LIN54: variants seen among roughly 807,000 people sequenced by gnomAD.
The protein encoded by LIN54 is lin-54 DREAM MuvB core complex component.
In LIN54, 9 loss-of-function variants were observed where a neutral mutation model predicts 78.7. The observed-to-expected ratio is 0.11, with a 90% confidence interval of 0.07 to 0.20. The LOEUF is 0.20. Ranked by LOEUF, LIN54 falls within the 10% of genes least tolerant of loss-of-function variation. LIN54 has a pLI of 1.00. For missense variants in LIN54, 573 were observed against 889.9 expected, an observed-to-expected ratio of 0.64 and a Z score of 4.53; for synonymous variants, 269 against 318.4, an observed-to-expected ratio of 0.84 and a Z score of 1.65.
chr4:82,936,840 C>G (rs977376268), intron 9 of LIN54, among the ~76,000 whole-genome samples: 7 of 152,138 alleles, frequency 4.6e-5, no homozygotes, highest in Non-Finnish European at 8.8e-5. Context: ...TATTTCATGT[C>G]AAGTCTTTTT....
chr4:83,008,325 C>T (rs979319832), intron 1 of LIN54, among the ~76,000 whole-genome samples: 1 of 152,100 alleles, frequency 6.6e-6, no homozygotes, highest in Non-Finnish European at 1.5e-5. Context: ...TATATGACAC[C>T]TAATAGACAC....
chr4:82,991,784 A>C (rs1431099479), intron 1 of LIN54, among the ~76,000 whole-genome samples: 1 of 152,150 alleles, frequency 6.6e-6, no homozygotes, highest in African/African-American at 2.4e-5. Context: ...TGTGAATTAT[A>C]TTAATTTTTG....
chr4:82,937,561 T>C (rs182659195), intron 8 of LIN54, among the ~76,000 whole-genome samples: 67 of 152,280 alleles, frequency 4.4e-4, no homozygotes, highest in African/African-American at 1.5e-3. Context: ...GAGACAAGTA[T>C]GGAATAATTT....
intron 4 of LIN54, among the ~76,000 whole-genome samples, chr4:82,961,978 C>T (rs6811109): frequency 0.54 from 81,224 of 150,138 alleles, 23,754 homozygotes; most frequent in East Asian, 0.78. Flanking sequence ...AAAGAAAAAA[C>T]ACATTTATTC....
chr4:82,985,848 G>A (rs1339175517), intron 1 of LIN54, among the ~76,000 whole-genome samples: 1 of 151,550 alleles, frequency 6.6e-6, no homozygotes, highest in East Asian at 2.0e-4. Flanking sequence ...GCCATCCTCC[G>A]CCATTTAAAG....
At chr4:82,993,509 C>T (rs746396450) in intron 1 of LIN54, among the ~76,000 whole-genome samples, 2 of 151,908 alleles carry the variant, frequency 1.3e-5, no homozygotes, top group Non-Finnish European at 2.9e-5. Context: ...TGAGCCACCG[C>T]GCCCGGCTAG....
At chr4:82,936,406 G>A (rs1427382913) in intron 9 of LIN54, 25 bp from the exon 10 acceptor site, 8 of 1,292,442 alleles carry the variant, frequency 6.2e-6, no homozygotes, top group Non-Finnish European at 8.7e-6. Flanking sequence ...TCAGTATAAG[G>A]TAAAAAGTCA....
chr4:82,938,403 A>G lies in LIN54; in HGVS notation c.1532+10T>C. On this transcript the variant is annotated intron_variant, in intron 8 of 12. Transcript: ENST00000340417. ...CTAACAACTTATGTACCTATTTTCA[A>G]AATACTCACCCATTGAATGGAAGCC... The G allele has an allele frequency of 6.6e-7, 1 of 1,515,030 alleles. No homozygotes were observed. The highest frequency in any genetic ancestry group is 9.2e-7 in the Non-Finnish European group (1 of 1,090,796). 93.8% of individuals were successfully genotyped at this position (1,515,030 alleles called of 1,614,324 possible).
chr4:82,951,295 T>C (rs1425146905), intron 4 of LIN54, among the ~76,000 whole-genome samples: 2 of 152,140 alleles, frequency 1.3e-5, no homozygotes, highest in Non-Finnish European at 2.9e-5. Context: ...ACAAAAGAGG[T>C]ATAAGCCATT....
intron 4 of LIN54, among the ~76,000 whole-genome samples, chr4:82,947,176 T>C (rs1723418092): frequency 6.9e-6 from 1 of 145,936 alleles, no homozygotes; most frequent in African/African-American, 2.5e-5. Flanking sequence ...CTAGGGAAAC[T>C]AGTTTTGTAT....
chr4:82,938,883 A>C (rs1722613774), intron 7 of LIN54, among the ~76,000 whole-genome samples: 1 of 152,254 alleles, frequency 6.6e-6, no homozygotes, highest in African/African-American at 2.4e-5. Context: ...ATCACACTAC[A>C]AATTACAGAG....
intron 4 of LIN54, among the ~76,000 whole-genome samples, chr4:82,958,526 A>G (rs1191415748): frequency 6.6e-6 from 1 of 152,182 alleles, no homozygotes; most frequent in Non-Finnish European, 1.5e-5. Context: ...ATCCAACTGT[A>G]ATTTCCAGCC....
intron 2 of LIN54, among the ~76,000 whole-genome samples, chr4:82,982,716 A>G (rs1726777632): frequency 6.6e-6 from 1 of 152,344 alleles, no homozygotes; most frequent in African/African-American, 2.4e-5. Flanking sequence ...AGTAATAATG[A>G]ACAAGAAAGA....
Position 83,010,491 on chromosome 4 carries a change from G to A in LIN54, c.-40C>T, listed in dbSNP as rs941200835. 6 of 1,018,238 alleles carry A rather than the reference G, an allele frequency of 5.9e-6. No individual in the cohort carries two copies. The highest frequency in any genetic ancestry group is 7.0e-6 in the Non-Finnish European group (6 of 854,660). 63.1% of individuals were successfully genotyped at this position (1,018,238 alleles called of 1,614,324 possible). A position where few individuals can be genotyped will look rare whatever the true frequency, so the allele number is the denominator to read the frequency against. On this transcript the variant is annotated 5_prime_UTR_variant, in exon 1 of 13. Transcript: ENST00000340417. ...TACCCCATCCTCCTCTACCTCCAGCGGCTGCCGCTTTCTCCTCCCTCGGGC... is the reference window on the plus strand; with the variant it reads ...TACCCCATCCTCCTCTACCTCCAGCAGCTGCCGCTTTCTCCTCCCTCGGGC...
intron 1 of LIN54, 127 bp downstream of exon 1, chr4:83,010,357 T>C (rs1347597857): frequency 8.6e-6 from 3 of 350,858 alleles, no homozygotes; most frequent in South Asian, 2.5e-4. Flanking sequence ...ACGAGGCTAC[T>C]GATTCTTCGC....
intron 4 of LIN54, among the ~76,000 whole-genome samples, chr4:82,948,218 T>C (rs1003551837): frequency 6.6e-5 from 10 of 152,106 alleles, no homozygotes; most frequent in African/African-American, 2.2e-4. Context: ...AAACACTAAG[T>C]ACATTAGGAA....
rs1232675746 is a variant in LIN54 at position 82,936,507 on chromosome 4, C to T, written c.1605-126G>A. 4 of 539,756 alleles carry T rather than the reference C, an allele frequency of 7.4e-6. No individual in the cohort carries two copies. The African/African-American group carries it at 7.6e-5, about 10-fold the overall frequency. 33.4% of individuals were successfully genotyped at this position (539,756 alleles called of 1,614,324 possible). Reference sequence around the variant, plus strand: ...TGTGGTAAAGCATCTCAGAAATCTACTCAGCTACCCAGTTAAAGAGTTAAC... The same window carrying T: ...TGTGGTAAAGCATCTCAGAAATCTATTCAGCTACCCAGTTAAAGAGTTAAC... On this transcript the variant is annotated intron_variant, in intron 9 of 12. Transcript: ENST00000340417.
chr4:82,965,552 G>A (rs2126065916), intron 4 of LIN54, among the ~76,000 whole-genome samples: 1 of 152,288 alleles, frequency 6.6e-6, no homozygotes, highest in South Asian at 2.1e-4. Flanking sequence ...TCCTCAGGGA[G>A]ACCCAGGTAT....
In LIN54 at chr4:82,957,709, T is replaced by G. The variant is rs189705272; in HGVS notation, c.952-11235A>C. Reference sequence around the variant, plus strand: ...CCATCCCAACTGTAGTTGAATCCCCTTAGGTAGGATCTCATGACATAATTT... The same window carrying G: ...CCATCCCAACTGTAGTTGAATCCCCGTAGGTAGGATCTCATGACATAATTT... On this transcript the variant is annotated intron_variant, in intron 4 of 12. Transcript: ENST00000340417. Among the ~76,000 whole-genome samples the G allele has an allele frequency of 4.3e-4, 66 of 152,312 alleles. No individual in the cohort carries two copies. The Middle Eastern group carries it at 0.014, about 31-fold the overall frequency.
Sources: allele counts gnomAD v4.1 joint callset (sites outside exome capture counted in the v4.1 genomes callset), GRCh38; gene constraint gnomAD v4.1.1; transcripts MANE v1.5; gene names NCBI Gene and HGNC (gene_info 2026-07-23, HGNC 2026-07-21).